Variants in ATP10D observed in about 807,000 individuals in gnomAD.
ATP10D encodes ATPase phospholipid transporting 10D (putative).
In ATP10D, 89 loss-of-function variants were observed where a neutral mutation model predicts 144.8. That is an observed-to-expected ratio of 0.61 (90% CI 0.52 to 0.73). The LOEUF is 0.73. ATP10D is among the 30% of genes least tolerant of loss of function. The probability of loss-of-function intolerance (pLI) is 0.00; values close to 1 mark genes in which losing one functional copy is unlikely to be tolerated. For missense variants in ATP10D, 1,603 were observed against 1,714.8 expected, an observed-to-expected ratio of 0.93 and a Z score of 1.15; for synonymous variants, 571 against 615.1, an observed-to-expected ratio of 0.93 and a Z score of 1.06.
At chr4:47,516,963 G>A (rs984687895) in intron 3 of ATP10D, among the ~76,000 whole-genome samples, 5 of 152,124 alleles carry the variant, frequency 3.3e-5, no homozygotes, top group Non-Finnish European at 7.4e-5. Flanking sequence ...ACAGTCTCTA[G>A]CCTCAAAAAA....
At chr4:47,501,234 A>T (rs1715666306) in intron 1 of ATP10D, among the ~76,000 whole-genome samples, 1 of 152,200 alleles carries the variant, frequency 6.6e-6, no homozygotes, top group African/African-American at 2.4e-5. Context: ...TATGGGTAGG[A>T]TCAGTGATAT....
intron 1 of ATP10D, among the ~76,000 whole-genome samples, chr4:47,504,651 C>T (rs1577619019): frequency 1.3e-5 from 2 of 152,232 alleles, no homozygotes; most frequent in East Asian, 1.9e-4. Context: ...CAAGCTCCGC[C>T]TCCCGGGTTC....
At chr4:47,495,412 T>G (rs1252943964) in intron 1 of ATP10D, among the ~76,000 whole-genome samples, 12 of 152,198 alleles carry the variant, frequency 7.9e-5, no homozygotes, top group Admixed American at 5.2e-4. Flanking sequence ...TGTATAGGCT[T>G]CATGATTATA....
At chr4:47,540,143 A>G (rs12642348) in intron 9 of ATP10D, among the ~76,000 whole-genome samples, 98,755 of 152,066 alleles carry the variant, frequency 0.65, 32,401 homozygotes, top group East Asian at 0.85. Flanking sequence ...AGTTCTCTCT[A>G]GAAATTAATT....
At chr4:47,547,747 C>T (rs1270755728) in intron 10 of ATP10D, among the ~76,000 whole-genome samples, 1 of 151,862 alleles carries the variant, frequency 6.6e-6, no homozygotes, top group Non-Finnish European at 1.5e-5. Flanking sequence ...ATGAGTAGAC[C>T]CCTGGGGTCT....
At chr4:47,526,438 A>G (rs958440907) in intron 5 of ATP10D, among the ~76,000 whole-genome samples, 6 of 152,208 alleles carry the variant, frequency 3.9e-5, no homozygotes, top group Non-Finnish European at 4.4e-5. Context: ...GCACCCATGA[A>G]AAACCTAGAG....
intron 1 of ATP10D, among the ~76,000 whole-genome samples, chr4:47,510,823 G>C (rs747370107): frequency 2.6e-5 from 4 of 152,200 alleles, no homozygotes; most frequent in Non-Finnish European, 4.4e-5. Context: ...TTATGTCTTA[G>C]TAAGAATTTA....
At chr4:47,586,943 T>C in intron 21 of ATP10D, 76 bp from the exon 22 acceptor site, 1 of 1,337,830 alleles carries the variant, frequency 7.5e-7, no homozygotes, top group Non-Finnish European at 1.1e-6. Context: ...GTCTCTTTAA[T>C]GGAGCAGATT....
In ATP10D at chr4:47,568,894, G is replaced by A. The variant is rs1719788022; in HGVS notation, c.2911G>A (p.Ala971Thr). ...GAAAGAACTTCAGAAGAAAACTCAAGCCCTGCCAGAGCAAGTGTCATTAAG... is the reference window on the plus strand; with the variant it reads ...GAAAGAACTTCAGAAGAAAACTCAAACCCTGCCAGAGCAAGTGTCATTAAG... ...ILKELQKKTQ[A>T]LPEQVSLSED... Residue 971 changes from alanine (A) to threonine (T), a missense_variant, in exon 16 of 23, where the codon GCC (alanine) becomes ACC (threonine). Transcript: ENST00000273859. 5.0e-6 allele frequency: 8 copies of A among 1,614,168 alleles called. No individual in the cohort carries two copies. The highest frequency in any genetic ancestry group is 6.8e-6 in the Non-Finnish European group (8 of 1,180,042).
At chr4:47,582,147 T>A (rs1720551849) in intron 21 of ATP10D, 83 bp downstream of exon 21, 1 of 1,109,270 alleles carries the variant, frequency 9.0e-7, no homozygotes, top group Non-Finnish European at 1.4e-6. Flanking sequence ...ACCCTGAAGA[T>A]AAGTGGTAAT....
chr4:47,514,872 A>G (rs2109402560), intron 2 of ATP10D, among the ~76,000 whole-genome samples: 1 of 148,868 alleles, frequency 6.7e-6, no homozygotes, highest in East Asian at 1.9e-4. Context: ...TTTTAAAAAG[A>G]AAATAGTATT....
chr4:47,554,776 T>G lies in ATP10D; in HGVS notation c.1686T>G (p.Ile562Met). The change falls in exon 11 of 23, where the codon ATT becomes ATG. Residue 562 changes from isoleucine (I) to methionine (M), a missense_variant. Ile to Met is a conservative substitution (Grantham distance 10, BLOSUM62 1). Transcript: ENST00000273859. ...GGCTTTTAGACAAATTTAGTCAGATTACACCTCGGCTCTTTATGCCACTAG... is the reference window on the plus strand; with the variant it reads ...GGCTTTTAGACAAATTTAGTCAGATGACACCTCGGCTCTTTATGCCACTAG... ...DTRLLDKFSQ[I>M]TPRLFMPLDE... The G allele has an allele frequency of 6.2e-7, 1 of 1,614,112 alleles. No individual in the cohort carries two copies. The highest frequency in any genetic ancestry group is 8.5e-7 in the Non-Finnish European group (1 of 1,179,970).
At chr4:47,491,536 A>G (rs73813572) in intron 1 of ATP10D, 9 of 480,238 alleles carry the variant, frequency 1.9e-5, no homozygotes, top group African/African-American at 1.8e-4. Context: ...TCTGTATCAT[A>G]TCACAGTCTT....
At chr4:47,589,081 AGAG>A (rs558371372) in intron 22 of ATP10D, among the ~76,000 whole-genome samples, 2 of 152,166 alleles carry the variant, frequency 1.3e-5, no homozygotes, top group Non-Finnish European at 2.9e-5. Flanking sequence ...TTGACACAGA[AGAG>A]GAGAAGGTAC....
chr4:47,515,454 C>T, intron 2 of ATP10D, 22 bp from the exon 3 acceptor site: 7 of 1,595,454 alleles, frequency 4.4e-6, no homozygotes, highest in South Asian at 1.1e-5. Context: ...TTAACACCTC[C>T]CTTTGTGTGT....
At chr4:47,586,815 T>C (rs933098962) in intron 21 of ATP10D, among the ~76,000 whole-genome samples, 1 of 152,200 alleles carries the variant, frequency 6.6e-6, no homozygotes, top group Non-Finnish European at 1.5e-5. Context: ...TTTAATTTAG[T>C]TTTACAGAAT....
At position 47,558,217 on chromosome 4, in the gene ATP10D, T is replaced by C. The variant is rs751282807; in HGVS notation, c.2378T>C (p.Val793Ala). ...VRHPLSNQVV[V>A]YTKGADSVIM... is the part of the protein sequence containing the mutation. ...CACCCTCTTTCCAATCAAGTTGTGG[T>C]GTATACGAAAGGCGCTGATTCTGTG... The change falls in exon 12 of 23, where the codon GTG becomes GCG. Residue 793 changes from valine to alanine, a missense_variant. Coordinates refer to ENST00000273859, the MANE Select transcript of ATP10D (RefSeq NM_020453.4). 1 of 1,614,220 alleles carries C rather than the reference T, an allele frequency of 6.2e-7. No individual in the cohort carries two copies. The highest frequency in any genetic ancestry group is 1.1e-5 in the South Asian group (1 of 91,084).
At chr4:47,535,190 G>A (rs755052439) in intron 5 of ATP10D, among the ~76,000 whole-genome samples, 2 of 151,840 alleles carry the variant, frequency 1.3e-5, no homozygotes, top group East Asian at 1.9e-4. Context: ...GGAGCATGAG[G>A]TTCAAAAAAC....
intron 1 of ATP10D, chr4:47,491,457 G>A (rs1715079424): frequency 2.9e-6 from 2 of 698,676 alleles, no homozygotes; most frequent in South Asian, 1.4e-5. Flanking sequence ...CTTTGTGTTT[G>A]TCATTTTGGC....
Sources: allele counts gnomAD v4.1 joint callset (sites outside exome capture counted in the v4.1 genomes callset), GRCh38; gene constraint gnomAD v4.1.1; transcripts MANE v1.5; gene names NCBI Gene and HGNC (gene_info 2026-07-23, HGNC 2026-07-21).